LHFPL3: variants seen among roughly 807,000 people sequenced by gnomAD.
LHFPL3 encodes the protein LHFPL tetraspan subfamily member 3 protein.
LHFPL3 carries 5 observed loss-of-function variants against 19.3 expected under a neutral mutation model. That is an observed-to-expected ratio of 0.26 (90% confidence interval 0.14 to 0.54). The LOEUF (loss-of-function observed/expected upper bound fraction) is 0.54. Ranked by LOEUF, LHFPL3 falls within the 20% of genes least tolerant of loss-of-function variation. The pLI is 0.94. For missense variants in LHFPL3, 249 were observed against 307.4 expected (o/e 0.81, Z 1.42); for synonymous variants, 133 against 126.2 (o/e 1.05, Z -0.36).
At chr7:104,445,424 A>T (rs1024271070) in intron 1 of LHFPL3, among the ~76,000 whole-genome samples, 1 of 152,180 alleles carries the variant, frequency 6.6e-6, no homozygotes, top group Admixed American at 6.5e-5. Context: ...ACATGGGGAT[A>T]TTAAGAGTGT....
At chr7:104,471,081 A>G (rs1051028492) in intron 1 of LHFPL3, among the ~76,000 whole-genome samples, 6 of 152,162 alleles carry the variant, frequency 3.9e-5, no homozygotes, top group African/African-American at 1.4e-4. Flanking sequence ...CCCTTTAAAC[A>G]TGGAATTCTC....
intron 2 of LHFPL3, among the ~76,000 whole-genome samples, chr7:104,781,617 A>T (rs1354451656): frequency 2.0e-5 from 3 of 152,232 alleles, no homozygotes; most frequent in Middle Eastern, 3.4e-3. Context: ...TTTCTTCATC[A>T]TGAAGCTCCT....
chr7:104,736,995 T>G lies in LHFPL3; in HGVS notation c.682+84T>G, dbSNP rs1260689696. ...TCCATTCTTTCCCCTCAAATACTAG[T>G]GCTTCCCCTGAGGTTCTAATTTGCT... On this transcript the variant is annotated intron_variant, in intron 2 of 2. Coordinates refer to ENST00000424859, the MANE Select transcript of LHFPL3 (RefSeq NM_199000.3). 3 of 1,079,190 alleles carry G rather than the reference T, an allele frequency of 2.8e-6. No homozygotes were observed. In the African/African-American group the frequency reaches 4.7e-5, roughly 17 times the overall value. 66.9% of individuals were successfully genotyped at this position (1,079,190 alleles called of 1,614,324 possible). A position where few individuals can be genotyped will look rare whatever the true frequency, so the allele number is the denominator to read the frequency against.
intron 1 of LHFPL3, among the ~76,000 whole-genome samples, chr7:104,391,971 AT>A (rs762187804): frequency 5.3e-5 from 8 of 152,014 alleles, no homozygotes; most frequent in Non-Finnish European, 8.8e-5. Flanking sequence ...TTCACTCATG[AT>A]TTGGCTTTCT....
At chr7:104,660,004 G>GTTTTT (rs35499793) in intron 1 of LHFPL3, among the ~76,000 whole-genome samples, 3 of 140,470 alleles carry the variant, frequency 2.1e-5, no homozygotes, top group Non-Finnish European at 1.5e-5. Context: ...ACAGCAACTC[G>GTTTTT]TTTTTTTTTT....
rs9768778 is a variant in LHFPL3, at chr7:104,880,987, A to G, written c.683-25200A>G. Reference sequence around the variant, plus strand: ...AGATCAAGACCTTCCTGGCTAACACAATGAAACCCCATCTCTACTGAAAAT... The same window carrying G: ...AGATCAAGACCTTCCTGGCTAACACGATGAAACCCCATCTCTACTGAAAAT... On this transcript the variant is annotated intron_variant, in intron 2 of 2. Coordinates refer to ENST00000424859, the MANE Select transcript of LHFPL3 (RefSeq NM_199000.3). Among the ~76,000 whole-genome samples the G allele has an allele frequency of 4.4e-3, 671 of 152,152 alleles. 2 individuals carry two copies. Among genetic ancestry groups the G allele is most frequent in the Middle Eastern group, 0.01 (3 of 294 alleles).
At chr7:104,564,832 G>T (rs532045017) in intron 1 of LHFPL3, among the ~76,000 whole-genome samples, 6 of 152,308 alleles carry the variant, frequency 3.9e-5, no homozygotes, top group African/African-American at 1.2e-4. Flanking sequence ...TGGGAGAAAA[G>T]TGTGCCGGGA....
At chr7:104,421,768 A>T (rs1327167448) in intron 1 of LHFPL3, among the ~76,000 whole-genome samples, 1 of 152,224 alleles carries the variant, frequency 6.6e-6, no homozygotes, top group Non-Finnish European at 1.5e-5. Context: ...TAAAGAAAAG[A>T]TAGCTGATAT....
In LHFPL3 at chr7:104,438,023, A is replaced by G. The variant is rs542509643; in HGVS notation, c.445+108799A>G. ...CATTAAGAGTCATCTCGTTAGAGCT[A>G]AAGACCTTCCTGTCACCCAAGAAAT... On this transcript the variant is annotated intron_variant, in intron 1 of 2. Coordinates refer to ENST00000424859, the MANE Select transcript of LHFPL3 (RefSeq NM_199000.3). Among the ~76,000 whole-genome samples the G allele has an allele frequency of 3.3e-5, 5 of 152,288 alleles. No homozygotes were observed. The East Asian group carries it at 7.7e-4, about 24-fold the overall frequency.
chr7:104,644,399 T>C (rs1791891428), intron 1 of LHFPL3, among the ~76,000 whole-genome samples: 1 of 152,182 alleles, frequency 6.6e-6, no homozygotes, highest in Non-Finnish European at 1.5e-5. Context: ...AACTCCTTTT[T>C]CATAAACTGC....
intron 1 of LHFPL3, among the ~76,000 whole-genome samples, chr7:104,347,793 G>A (rs992868425): frequency 1.3e-5 from 2 of 152,012 alleles, no homozygotes; most frequent in Non-Finnish European, 2.9e-5. Flanking sequence ...TGGGGAGGCT[G>A]AGGCAGGAGA....
chr7:104,458,383 C>A (rs113092344), intron 1 of LHFPL3, among the ~76,000 whole-genome samples: 196 of 152,244 alleles, frequency 1.3e-3, no homozygotes, highest in Non-Finnish European at 2.3e-3. Flanking sequence ...ATCCTTTCCC[C>A]ATTGTTTGTT....
chr7:104,590,850 C>A (rs1189641909), intron 1 of LHFPL3, among the ~76,000 whole-genome samples: 1 of 152,130 alleles, frequency 6.6e-6, no homozygotes, highest in African/African-American at 2.4e-5. Flanking sequence ...TTGAATTGAT[C>A]CCTTTACCAT....
intron 2 of LHFPL3, among the ~76,000 whole-genome samples, chr7:104,819,876 A>G (rs1339314177): frequency 6.6e-6 from 1 of 152,210 alleles, no homozygotes; most frequent in Non-Finnish European, 1.5e-5. Context: ...CTGTGTAAAG[A>G]AACTTCAGCT....
chr7:104,377,305 T>C (rs1325398308), intron 1 of LHFPL3, among the ~76,000 whole-genome samples: 1 of 152,212 alleles, frequency 6.6e-6, no homozygotes, highest in African/African-American at 2.4e-5. Context: ...TGAATACCTC[T>C]TGCAAAACAA....
chr7:104,769,662 A>G (rs1173586852), intron 2 of LHFPL3, among the ~76,000 whole-genome samples: 1 of 135,820 alleles, frequency 7.4e-6, no homozygotes, highest in Non-Finnish European at 1.5e-5. Flanking sequence ...CCCTGTGTCC[A>G]TGTGTTCTCA....
At chr7:104,375,012 T>A (rs1315401461) in intron 1 of LHFPL3, among the ~76,000 whole-genome samples, 2 of 152,252 alleles carry the variant, frequency 1.3e-5, no homozygotes, top group Non-Finnish European at 2.9e-5. Flanking sequence ...CAGTATATTT[T>A]CATTTCAATT....
At chr7:104,529,115 G>A (rs1794244549) in intron 1 of LHFPL3, among the ~76,000 whole-genome samples, 1 of 152,146 alleles carries the variant, frequency 6.6e-6, no homozygotes, top group African/African-American at 2.4e-5. Context: ...AGAGGCCCAG[G>A]AGATGGCTTA....
At chr7:104,339,770 AC>A (rs1789910268) in intron 1 of LHFPL3, among the ~76,000 whole-genome samples, 1 of 152,038 alleles carries the variant, frequency 6.6e-6, no homozygotes, top group Non-Finnish European at 1.5e-5. Context: ...CATTTCTCTA[AC>A]CTAGAGTCTG....
Sources: allele counts gnomAD v4.1 joint callset (sites outside exome capture counted in the v4.1 genomes callset), GRCh38; gene constraint gnomAD v4.1.1; transcripts MANE v1.5; gene names NCBI Gene and HGNC (gene_info 2026-07-23, HGNC 2026-07-21).